PCDHGA6: variants seen among roughly 807,000 people sequenced by gnomAD.
PCDHGA6 encodes protocadherin gamma-A6.
PCDHGA6 carries 41 observed loss-of-function variants against 60.6 expected under a neutral mutation model. The observed-to-expected ratio is 0.68, with a 90% confidence interval of 0.53 to 0.88. The LOEUF (loss-of-function observed/expected upper bound fraction) is 0.88, where lower values mean the gene tolerates loss of function less well. Among genes scored for constraint, PCDHGA6 ranks in the 40% least tolerant of loss-of-function variants. PCDHGA6 has a pLI of 0.00. For synonymous variants in PCDHGA6, 594 were observed against 524.4 expected, an observed-to-expected ratio of 1.13 and a Z score of -1.81; for missense variants, 1,312 against 1,203.0, an observed-to-expected ratio of 1.09 and a Z score of -1.34.
At chr5:141,382,108 G>T (rs1323592761) in intron 1 of PCDHGA6, among the ~76,000 whole-genome samples, 2 of 152,024 alleles carry the variant, frequency 1.3e-5, no homozygotes, top group African/African-American at 4.8e-5. Flanking sequence ...GATTACAGGC[G>T]TGAGCAACAG....
chr5:141,509,497 G>A (rs1167178592), intron 3 of PCDHGA6, among the ~76,000 whole-genome samples: 1 of 152,196 alleles, frequency 6.6e-6, no homozygotes, highest in Non-Finnish European at 1.5e-5. Flanking sequence ...TGGCATGCTG[G>A]ATGTGACGGT....
At position 141,375,610 on chromosome 5, in the gene PCDHGA6, C is replaced by T. The variant is rs748991083; in HGVS notation, c.1527C>T (p.Ser509=). ...TGTCCTCCTACGTGTCCATCAACTC[C>T]GACACTGGGATTCTGTACGCCCTGC... The part of the protein sequence containing the change: ...APLSSYVSIN[S]DTGILYALRS... Residue 509 remains serine, a synonymous_variant, in exon 1 of 4, where the codon TCC becomes TCT. Transcript: ENST00000517434. 1 of 1,614,224 alleles carries T rather than the reference C, an allele frequency of 6.2e-7. No individual in the cohort carries two copies. The highest frequency in any genetic ancestry group is 1.1e-5 in the South Asian group (1 of 91,084).
At chr5:141,389,364 C>CT (rs963046088) in intron 1 of PCDHGA6, 1 of 1,613,736 alleles carries the variant, frequency 6.2e-7, no homozygotes, top group African/African-American at 1.3e-5. Context: ...GGCCAGTGAC[C>CT]TGGAGCAGCG....
chr5:141,407,977 G>A (rs943554200), intron 1 of PCDHGA6: 7 of 747,538 alleles, frequency 9.4e-6, no homozygotes, highest in African/African-American at 8.8e-5. Context: ...TGACGCCGGG[G>A]ATCCGTCAGC....
At chr5:141,424,748 A>G (rs1218712198) in intron 1 of PCDHGA6, 3 of 152,034 alleles carry the variant, frequency 2.0e-5, no homozygotes, top group African/African-American at 4.8e-5. Flanking sequence ...TTCTTTCTTT[A>G]TAAGGTCATT....
intron 1 of PCDHGA6, chr5:141,384,882 C>T (rs951463054): frequency 6.2e-7 from 1 of 1,613,754 alleles, no homozygotes; most frequent in African/African-American, 1.3e-5. Context: ...TCACACTCAC[C>T]GTGGCTGTGG....
At chr5:141,457,439 C>T (rs2098920819) in intron 1 of PCDHGA6, among the ~76,000 whole-genome samples, 1 of 152,194 alleles carries the variant, frequency 6.6e-6, no homozygotes, top group Non-Finnish European at 1.5e-5. Context: ...CACCAAGCTG[C>T]AGAAGATCAC....
chr5:141,392,774 C>G (rs752798314), intron 1 of PCDHGA6: 1 of 1,520,452 alleles, frequency 6.6e-7, no homozygotes, highest in East Asian at 2.3e-5. Context: ...CCCATTTATG[C>G]ACAGTGAAGA....
chr5:141,378,930 G>T (rs1588866145), intron 1 of PCDHGA6: 1 of 152,190 alleles, frequency 6.6e-6, no homozygotes, highest in East Asian at 1.9e-4. Flanking sequence ...GTAAGTTGAT[G>T]GCCCTGGAAT....
intron 1 of PCDHGA6, chr5:141,423,189 T>A (rs2096719374): frequency 1.2e-6 from 2 of 1,613,562 alleles, no homozygotes; most frequent in Non-Finnish European, 8.5e-7. Flanking sequence ...GCCAGCCCCC[T>A]CTCTCGGCCA....
chr5:141,389,767 G>A (rs2091900481), intron 1 of PCDHGA6: 1 of 1,613,028 alleles, frequency 6.2e-7, no homozygotes, highest in Non-Finnish European at 8.5e-7. Flanking sequence ...CGCACAGCGC[G>A]TGCCTTAGGC....
At chr5:141,483,501 G>C (rs1022338958) in intron 1 of PCDHGA6, among the ~76,000 whole-genome samples, 2 of 150,394 alleles carry the variant, frequency 1.3e-5, no homozygotes, top group African/African-American at 4.9e-5. Context: ...ATGAGTCAAG[G>C]CTGATCCCCC....
Position 141,485,684 on chromosome 5 carries a change from A to T in PCDHGA6, c.2425-9123A>T, listed in dbSNP as rs746176226. On this transcript the variant is annotated intron_variant, in intron 1 of 3. Transcript: ENST00000517434. The surrounding 1 kb of genome is among the most constrained non-coding windows in gnomAD (Gnocchi z 5.7). ...GGGGAGCAATTCGATTAGCAGCTAT[A>T]GGCTGAGCTCCAATGAACACTTTGC... 1 of 1,614,056 alleles carries T rather than the reference A, an allele frequency of 6.2e-7. No homozygotes were observed. The highest frequency in any genetic ancestry group is 1.1e-5 in the South Asian group (1 of 91,082).
At chr5:141,413,822 T>G in intron 1 of PCDHGA6, 1 of 1,613,216 alleles carries the variant, frequency 6.2e-7, no homozygotes, top group Non-Finnish European at 8.5e-7. Context: ...CACCTGGTCC[T>G]CACCGCCTCC....
At chr5:141,424,715 G>A (rs1299933373) in intron 1 of PCDHGA6, 1 of 152,132 alleles carries the variant, frequency 6.6e-6, no homozygotes, top group Admixed American at 6.6e-5. Flanking sequence ...TTTCAGTGTA[G>A]TTGGGAGTCA....
At chr5:141,461,830 CTT>C (rs1030113508) in intron 1 of PCDHGA6, among the ~76,000 whole-genome samples, 1 of 145,180 alleles carries the variant, frequency 6.9e-6, no homozygotes, top group Non-Finnish European at 1.5e-5. Context: ...ATTTTTTTTT[CTT>C]TTTTTTTTGA....
chr5:141,389,618 C>T (rs1224398489), intron 1 of PCDHGA6: 46 of 1,612,930 alleles, frequency 2.9e-5, no homozygotes, highest in Middle Eastern at 1.7e-4. Flanking sequence ...TGGTGCCGCA[C>T]GCTGCAGAGC....
intron 1 of PCDHGA6, among the ~76,000 whole-genome samples, chr5:141,447,761 T>C (rs2098551051): frequency 1.3e-5 from 2 of 152,186 alleles, no homozygotes; most frequent in African/African-American, 4.8e-5. Context: ...TGACTGTATA[T>C]AAATTATACT....
intron 3 of PCDHGA6, chr5:141,508,338 A>T (rs1245526252): frequency 1.3e-5 from 2 of 152,224 alleles, no homozygotes; most frequent in Non-Finnish European, 2.9e-5. Flanking sequence ...AACTGACTCT[A>T]CAGAAAGTCA....
Sources: gnomAD v4.1 joint callset for allele counts (sites outside exome capture counted in the v4.1 genomes callset) on GRCh38, gnomAD v4.1.1 for gene constraint, Gnocchi (gnomAD v3.1) non-coding constraint, MANE v1.5 for transcripts, NCBI Gene and HGNC (gene_info 2026-07-23, HGNC 2026-07-21) for gene names.